CD5L: variants seen among roughly 807,000 people sequenced by gnomAD.
The protein encoded by CD5L is CD5 molecule like.
Under a neutral mutation model 40.8 loss-of-function variants are expected in CD5L, and 39 were observed. The ratio of observed to expected loss-of-function variants is 0.96; its 90% CI spans 0.74 to 1.25. The LOEUF (loss-of-function observed/expected upper bound fraction) is 1.25, where lower values mean the gene tolerates loss of function less well. Ranked by LOEUF, CD5L falls within the 50% of genes most tolerant of loss-of-function variation. The pLI is 0.00. For missense variants in CD5L, 433 were observed against 435.9 expected (o/e 0.99, Z 0.06); for synonymous variants, 192 against 169.6 (o/e 1.13, Z -1.03).
intron 4 of CD5L, 91 bp from the exon 5 acceptor site, chr1:157,833,603 T>C (rs1472670638): frequency 2.9e-6 from 3 of 1,042,648 alleles, no homozygotes; most frequent in Non-Finnish European, 4.1e-6. Flanking sequence ...TTTCATTTTG[T>C]ATTTTTTGTA....
chr1:157,832,261 C>A (rs1362012761), intron 5 of CD5L, among the ~76,000 whole-genome samples: 1 of 152,228 alleles, frequency 6.6e-6, no homozygotes, highest in Non-Finnish European at 1.5e-5. Context: ...CTTTCTATTT[C>A]TACCCATGGA....
At chr1:157,838,992 A>T (rs1389433807) in intron 2 of CD5L, among the ~76,000 whole-genome samples, 1 of 152,222 alleles carries the variant, frequency 6.6e-6, no homozygotes, top group African/African-American at 2.4e-5. Context: ...TCTAATTCAA[A>T]CAAAGACACC....
chr1:157,833,136 C>G (rs1012180022), intron 5 of CD5L, 56 bp downstream of exon 5: 2 of 1,400,008 alleles, frequency 1.4e-6, no homozygotes, highest in Non-Finnish European at 2.0e-6. Flanking sequence ...CCATCATTTC[C>G]TCTTCCTTTA....
chr1:157,827,600 A>G (rs1655937735), downstream of CD5L, among the ~76,000 whole-genome samples: 1 of 152,176 alleles, frequency 6.6e-6, no homozygotes, highest in Non-Finnish European at 1.5e-5. Flanking sequence ...CAGGCACTCA[A>G]CAGATTAGAT....
At position 157,834,648 on chromosome 1, in the gene CD5L, C is replaced by T. The variant is rs767529706; in HGVS notation, c.477G>A (p.Trp159Ter). ...TCCAGCCTGTCTGGCACACGGTATA[C>T]CACTGGTTCTGGTGCTTCACTTCCA... ...GRVEVKHQNQ[W>*]YTVCQTGWSL... The change falls in exon 4 of 6, where the codon TGG becomes TGA. Residue 159 changes from tryptophan (W) to a stop codon, truncating the protein, a stop_gained. Coordinates refer to ENST00000368174, the MANE Select transcript of CD5L (RefSeq NM_005894.3). LOFTEE classifies it high-confidence loss of function. 2.5e-6 allele frequency: 4 copies of T among 1,614,202 alleles called. No individual in the cohort carries two copies. The Admixed American group carries it at 6.7e-5, about 27-fold the overall frequency.
intron 2 of CD5L, among the ~76,000 whole-genome samples, chr1:157,838,998 A>C (rs967626842): frequency 3.3e-5 from 5 of 152,230 alleles, no homozygotes; most frequent in Non-Finnish European, 7.3e-5. Flanking sequence ...TCAAACAAAG[A>C]CACCATTAAG....
downstream of CD5L, among the ~76,000 whole-genome samples, chr1:157,828,750 A>C (rs1655969235): frequency 6.6e-6 from 1 of 152,188 alleles, no homozygotes; most frequent in Non-Finnish European, 1.5e-5. Context: ...CCTAATAAAA[A>C]ATCTGCACCT....
At chr1:157,830,091 C>A (rs116765966), downstream of CD5L, among the ~76,000 whole-genome samples, 2 of 152,120 alleles carry the variant, frequency 1.3e-5, no homozygotes, top group African/African-American at 4.8e-5. Flanking sequence ...AATGGAACTG[C>A]GGGTTAGGAT....
At chr1:157,835,577 T>C (rs1482537723) in intron 3 of CD5L, among the ~76,000 whole-genome samples, 1 of 152,238 alleles carries the variant, frequency 6.6e-6, no homozygotes, top group Non-Finnish European at 1.5e-5. Flanking sequence ...CATGTTGGCA[T>C]GTGTGTAAAT....
At chr1:157,832,981 G>T (rs1656088983) in intron 5 of CD5L, among the ~76,000 whole-genome samples, 1 of 152,074 alleles carries the variant, frequency 6.6e-6, no homozygotes. Context: ...TATAGTGTCA[G>T]CCCTACCTCT....
chr1:157,832,516 G>T (rs1309626132), intron 5 of CD5L, among the ~76,000 whole-genome samples: 1 of 152,174 alleles, frequency 6.6e-6, no homozygotes, highest in Non-Finnish European at 1.5e-5. Context: ...GCCACGCAGC[G>T]GCTGCACTTG....
intron 3 of CD5L, among the ~76,000 whole-genome samples, chr1:157,835,590 G>A (rs1656187779): frequency 1.3e-5 from 2 of 152,172 alleles, no homozygotes; most frequent in African/African-American, 4.8e-5. Context: ...GTGTAAATAA[G>A]AGAAACAAGT....
chr1:157,827,567 T>G (rs1655937149), downstream of CD5L, among the ~76,000 whole-genome samples: 1 of 152,182 alleles, frequency 6.6e-6, no homozygotes, highest in Admixed American at 6.5e-5. Context: ...AAATGCTCCC[T>G]TCTTCTGTGT....
chr1:157,834,452 TCCC>T lies in CD5L; in HGVS notation c.670_672del (p.Gly224del), dbSNP rs545742834. ...TCTTCATCATGGTTGCAGGTGTTCTTCCCCCAAGGCCCAGAAGGGCAATCCTGA... is the reference window on the plus strand; with the variant it reads ...TCTTCATCATGGTTGCAGGTGTTCTTCCAAGGCCCAGAAGGGCAATCCTGA... On this transcript the variant is annotated inframe_deletion, in exon 4 of 6. Coordinates refer to ENST00000368174, the MANE Select transcript of CD5L (RefSeq NM_005894.3). The T allele has an allele frequency of 3.1e-6, 5 of 1,614,134 alleles. No individual in the cohort carries two copies. The South Asian group carries it at 5.5e-5, about 18-fold the overall frequency.
chr1:157,839,467 C>A (rs1220622419), intron 1 of CD5L, 57 bp from the exon 2 acceptor site: 13 of 1,583,878 alleles, frequency 8.2e-6, no homozygotes, highest in Non-Finnish European at 1.1e-5. Flanking sequence ...ATTCAAAGAA[C>A]ACAACTCTAG....
At chr1:157,828,472 C>T (rs2101932844), downstream of CD5L, among the ~76,000 whole-genome samples, 1 of 152,264 alleles carries the variant, frequency 6.6e-6, no homozygotes, top group Middle Eastern at 3.4e-3. Flanking sequence ...CTCAGGAGTT[C>T]ACTCAGCCCA....
At chr1:157,834,084 T>C (rs1260143387) in intron 4 of CD5L, among the ~76,000 whole-genome samples, 1 of 152,200 alleles carries the variant, frequency 6.6e-6, no homozygotes, top group East Asian at 1.9e-4. Context: ...ATAAATCTAA[T>C]ATTTATAAAT....
chr1:157,827,268 A>ATG (rs4060881), downstream of CD5L, among the ~76,000 whole-genome samples: 3,223 of 143,446 alleles, frequency 0.022, 47 homozygotes, highest in South Asian at 0.064. Flanking sequence ...CAAATGGTGT[A>ATG]TGTGTGTGTG....
intron 2 of CD5L, 36 bp downstream of exon 2, chr1:157,839,348 T>G: frequency 6.2e-7 from 1 of 1,610,394 alleles, no homozygotes; most frequent in Non-Finnish European, 8.5e-7. Flanking sequence ...CTCCTAAGCT[T>G]GAGGCCTCCC....
Sources: gnomAD v4.1 joint callset for allele counts (sites outside exome capture counted in the v4.1 genomes callset) on GRCh38, gnomAD v4.1.1 for gene constraint, MANE v1.5 for transcripts, NCBI Gene and HGNC (gene_info 2026-07-23, HGNC 2026-07-21) for gene names.